PIGL: variants seen among roughly 807,000 people sequenced by gnomAD.
PIGL encodes the protein phosphatidylinositol glycan anchor biosynthesis class L, also known as N-acetylglucosaminyl-phosphatidylinositol de-N-acetylase.
PIGL carries 22 observed loss-of-function variants against 31.1 expected under a neutral mutation model. The observed-to-expected ratio is 0.71, with a 90% confidence interval of 0.51 to 1.01. The LOEUF (loss-of-function observed/expected upper bound fraction) is 1.01, where lower values mean the gene tolerates loss of function less well. Ranked by LOEUF, PIGL falls within the 50% of genes least tolerant of loss-of-function variation. PIGL has a pLI of 0.00. For synonymous variants in PIGL, 131 were observed against 117.4 expected (o/e 1.12, Z -0.75); for missense variants, 302 against 315.9 (o/e 0.96, Z 0.33).
chr17:16,230,918 C>T (rs1034253369), intron 1 of PIGL, among the ~76,000 whole-genome samples: 2 of 151,916 alleles, frequency 1.3e-5, no homozygotes, highest in Admixed American at 1.3e-4. Context: ...TCTCCAAATT[C>T]ATATAGTTAG....
chr17:16,303,846 C>A (rs2093015599), intron 3 of PIGL, among the ~76,000 whole-genome samples: 2 of 152,130 alleles, frequency 1.3e-5, no homozygotes, highest in Admixed American at 1.3e-4. Context: ...TCCTGAGTAG[C>A]TGGGACTACA....
At chr17:16,271,686 C>T (rs920625858) in intron 2 of PIGL, among the ~76,000 whole-genome samples, 2 of 151,982 alleles carry the variant, frequency 1.3e-5, no homozygotes, top group Admixed American at 1.3e-4. Context: ...CGCACACCAC[C>T]ACACCCAGCT....
chr17:16,230,892 C>T (rs1338151732), intron 1 of PIGL, among the ~76,000 whole-genome samples: 1 of 151,814 alleles, frequency 6.6e-6, no homozygotes, highest in African/African-American at 2.4e-5. Flanking sequence ...AATAAAATTA[C>T]AAAAATTAAA....
chr17:16,261,064 AG>A (rs1428660265), intron 2 of PIGL, among the ~76,000 whole-genome samples: 1 of 151,108 alleles, frequency 6.6e-6, no homozygotes, highest in African/African-American at 2.4e-5. Context: ...GGTTGCAGTG[AG>A]CCAAGATCAT....
intron 2 of PIGL, among the ~76,000 whole-genome samples, chr17:16,277,082 G>A (rs556871010): frequency 3.9e-5 from 6 of 152,232 alleles, no homozygotes; most frequent in African/African-American, 7.2e-5. Flanking sequence ...TGGGGCTCCT[G>A]GACTTGTCAT....
chr17:16,319,813 G>A (rs1429213876), intron 6 of PIGL, among the ~76,000 whole-genome samples: 1 of 151,948 alleles, frequency 6.6e-6, no homozygotes, highest in African/African-American at 2.4e-5. Context: ...GCAGGGTGAG[G>A]AAGAGCTAGG....
intron 2 of PIGL, among the ~76,000 whole-genome samples, chr17:16,277,555 A>G (rs529582359): frequency 7.2e-5 from 11 of 152,240 alleles, no homozygotes; most frequent in South Asian, 2.1e-4. Context: ...AGGTCAATCC[A>G]TGCAGTTAAC....
At chr17:16,220,898 G>A (rs1204626678) in intron 1 of PIGL, among the ~76,000 whole-genome samples, 3 of 152,166 alleles carry the variant, frequency 2.0e-5, no homozygotes. Context: ...CTCCCAAAGT[G>A]CTGGGATTAC....
rs142713750 is a variant in PIGL at position 16,234,807 on chromosome 17, C to T, written c.335+737C>T. ...TAACTTCACATTTGTTTTTAAATGA[C>T]AGCGTGATTGAAATAAATTTTTTAA... On this transcript the variant is annotated intron_variant, in intron 2 of 6. Transcript: ENST00000225609. Among the ~76,000 whole-genome samples, 3 of 152,328 alleles carry T rather than the reference C, an allele frequency of 2.0e-5. No homozygotes were observed. The East Asian group carries it at 5.8e-4, about 29-fold the overall frequency.
chr17:16,262,776 C>T (rs975602910), intron 2 of PIGL, among the ~76,000 whole-genome samples: 21 of 152,134 alleles, frequency 1.4e-4, no homozygotes, highest in Admixed American at 1.4e-3. Flanking sequence ...ATGTTCATAG[C>T]AACACTATTC....
intron 2 of PIGL, among the ~76,000 whole-genome samples, chr17:16,298,606 A>G (rs976745423): frequency 2.6e-5 from 4 of 152,214 alleles, no homozygotes; most frequent in African/African-American, 9.6e-5. Context: ...AGCAAGTCCC[A>G]GTCCTGATGG....
chr17:16,261,553 A>C (rs2092819366), intron 2 of PIGL, among the ~76,000 whole-genome samples: 2 of 152,180 alleles, frequency 1.3e-5, no homozygotes, highest in Admixed American at 6.6e-5. Context: ...ATATATAAAG[A>C]AGTCTTACAA....
intron 1 of PIGL, among the ~76,000 whole-genome samples, chr17:16,222,007 C>T (rs954882197): frequency 1.3e-5 from 2 of 152,068 alleles, no homozygotes; most frequent in African/African-American, 4.8e-5. Flanking sequence ...CCTTGGCCTC[C>T]CAAAATAATA....
chr17:16,301,965 C>T (rs920500548), intron 3 of PIGL, among the ~76,000 whole-genome samples: 3 of 151,976 alleles, frequency 2.0e-5, no homozygotes, highest in Admixed American at 2.0e-4. Flanking sequence ...CCTCCCAAAG[C>T]ACTGGGATTA....
rs543777900 is a variant in PIGL, at chr17:16,224,414, C to T, written c.235+6953C>T. 4.0e-5 allele frequency among the ~76,000 whole-genome samples: 6 copies of T among 151,896 alleles called. No homozygotes were observed. The South Asian group carries it at 1.2e-3, about 32-fold the overall frequency. ...CTCCGCCTCCTGGATTCAAGTGATC[C>T]CCCTGCTTCAGCCTCCCGAGTAGCT... is the stretch of plus-strand genomic sequence containing the variant. On this transcript the variant is annotated intron_variant, in intron 1 of 6. Coordinates refer to ENST00000225609, the MANE Select transcript of PIGL (RefSeq NM_004278.4).
intron 1 of PIGL, chr17:16,217,988 TTA>T (rs1177044915): frequency 1.3e-5 from 2 of 152,362 alleles, no homozygotes; most frequent in East Asian, 3.9e-4. Context: ...GTAGGTAATT[TTA>T]GAGTTCAACT....
chr17:16,293,436 G>A (rs1217108730), intron 2 of PIGL, among the ~76,000 whole-genome samples: 3 of 152,232 alleles, frequency 2.0e-5, no homozygotes, highest in Admixed American at 6.5e-5. Context: ...GCTGAGGCAG[G>A]AGAATGGCGT....
intron 2 of PIGL, among the ~76,000 whole-genome samples, chr17:16,248,263 G>A (rs1481893143): frequency 2.0e-5 from 3 of 152,036 alleles, no homozygotes; most frequent in African/African-American, 4.8e-5. Context: ...CCTTTTAAAC[G>A]TAGCAATTTC....
chr17:16,218,793 G>A (rs934253637), intron 1 of PIGL, among the ~76,000 whole-genome samples: 9 of 150,126 alleles, frequency 6.0e-5, no homozygotes, highest in African/African-American at 1.7e-4. Context: ...ATTCTCCTGC[G>A]TCAGCCTGCC....
Sources: gnomAD v4.1 joint callset for allele counts (sites outside exome capture counted in the v4.1 genomes callset) on GRCh38, gnomAD v4.1.1 for gene constraint, MANE v1.5 for transcripts, NCBI Gene and HGNC (gene_info 2026-07-23, HGNC 2026-07-21) for gene names.